Variants in MCF2 observed in about 807,000 individuals in gnomAD.
MCF2 encodes the protein MCF.2 cell line derived transforming sequence, also known as proto-oncogene DBL.
MCF2 carries 44 observed loss-of-function variants against 82.5 expected under a neutral mutation model. The observed-to-expected ratio is 0.53, with a 90% CI of 0.42 to 0.69. The LOEUF (loss-of-function observed/expected upper bound fraction) is 0.69. Ranked by LOEUF, MCF2 falls within the 30% of genes least tolerant of loss-of-function variation. The pLI, the probability that MCF2 is intolerant of heterozygous loss-of-function variation, is 0.00. For missense variants in MCF2, 623 were observed against 663.1 expected, an observed-to-expected ratio of 0.94 and a Z score of 0.66; for synonymous variants, 217 against 224.9, an observed-to-expected ratio of 0.96 and a Z score of 0.32.
chrX:139,614,507 A>ATGTGTGTG lies in MCF2; in HGVS notation c.1363+366_1363+373dup, dbSNP rs10578610. ...TTGCTTATCTAGAGTAGCAGTAAAT[A>ATGTGTGTG]TGTGTGTGTGTGTGTGTGTGTGTGT... is the stretch of plus-strand genomic sequence containing the variant. On this transcript the variant is annotated intron_variant, in intron 10 of 24. Coordinates refer to ENST00000370576, the Ensembl canonical transcript of MCF2. Among the ~76,000 whole-genome samples, 108 of 103,036 alleles carry ATGTGTGTG rather than the reference A, an allele frequency of 1.0e-3. 3 individuals carry two copies. The highest frequency in any genetic ancestry group is 1.1e-4 in the Admixed American group (1 of 9,468). 89.5% of individuals were successfully genotyped at this position (103,036 alleles called of 115,157 possible).
rs1285138161 is a variant in MCF2, at chrX:139,704,754, G to A, written c.-45+3352C>T. On this transcript the variant is annotated intron_variant, in intron 1 of 27. Coordinates refer to the MCF2 transcript ENST00000414978. ...AAATCAGGAATGACACAAATAAATGGAAAAACATTCCATGTTCATGGATTG... is the reference window on the plus strand; with the variant it reads ...AAATCAGGAATGACACAAATAAATGAAAAAACATTCCATGTTCATGGATTG... Among the ~76,000 whole-genome samples the A allele has an allele frequency of 2.7e-5, 3 of 110,656 alleles. No homozygotes were observed. In the Admixed American group the frequency reaches 2.9e-4, roughly 11 times the overall value.
intron 23 of MCF2, among the ~76,000 whole-genome samples, 176 bp downstream of exon 27, chrX:139,586,202 A>T (rs897261868): frequency 9.0e-6 from 1 of 111,399 alleles, no homozygotes; most frequent in African/African-American, 3.3e-5. Flanking sequence ...GACAACCAAT[A>T]CTCTCTAGTG....
At chrX:139,649,032 A>G (rs1244137802) in intron 2 of MCF2, among the ~76,000 whole-genome samples, 1 of 112,353 alleles carries the variant, frequency 8.9e-6, no homozygotes. Flanking sequence ...TACCTGAACA[A>G]CAGTCTCAAC....
intron 1 of MCF2, among the ~76,000 whole-genome samples, chrX:139,653,224 G>A (rs1934091361): frequency 8.9e-6 from 1 of 112,022 alleles, no homozygotes; most frequent in South Asian, 3.7e-4. Flanking sequence ...AGCCATGGAA[G>A]AAGGGTGAGA....
chrX:139,583,209 GTAAGTATT>G (rs1928626925), intron 24 of MCF2, among the ~76,000 whole-genome samples: 1 of 111,977 alleles, frequency 8.9e-6, no homozygotes, highest in Non-Finnish European at 1.9e-5. Context: ...TATTTCTTTT[GTAAGTATT>G]TAAGTATTTA....
At chrX:139,659,487 ACTT>A (rs1934297682) in intron 1 of MCF2, among the ~76,000 whole-genome samples, 1 of 111,080 alleles carries the variant, frequency 9.0e-6, no homozygotes, top group African/African-American at 3.3e-5. Context: ...ACATTTTTTT[ACTT>A]CAGATCCCAG....
In MCF2 at chrX:139,653,136, C is replaced by A. The variant is rs546251313; in HGVS notation, c.-44-1348G>T. ...TACACTCGCAGTTATTCTTTCCATG[C>A]TAGATGTTTAATCAGATAAAAGAAT... On this transcript the variant is annotated intron_variant, in intron 1 of 27. Coordinates refer to the MCF2 transcript ENST00000414978. 9.6e-4 allele frequency among the ~76,000 whole-genome samples: 107 copies of A among 111,758 alleles called. 1 individual carries two copies. In the South Asian group the frequency reaches 0.039, roughly 40 times the overall value.
At chrX:139,645,400 G>C (rs1933766821), upstream of MCF2, among the ~76,000 whole-genome samples, 2 of 111,149 alleles carry the variant, frequency 1.8e-5, no homozygotes, top group African/African-American at 6.6e-5. Context: ...ATTTTGGGTA[G>C]AGTTATTTAT....
At chrX:139,656,054 GT>G (rs1934186691) in intron 1 of MCF2, among the ~76,000 whole-genome samples, 2 of 111,373 alleles carry the variant, frequency 1.8e-5, no homozygotes, top group Admixed American at 1.9e-4. Context: ...TTTTTTGTTT[GT>G]TTGTTTTGTT....
intron 6 of MCF2, among the ~76,000 whole-genome samples, chrX:139,621,425 G>T (rs959189722): frequency 1.8e-5 from 2 of 111,757 alleles, no homozygotes; most frequent in Non-Finnish European, 3.8e-5. Flanking sequence ...TACAGAATGG[G>T]AGAAAATATT....
At chrX:139,670,865 C>A (rs1934665701) in intron 1 of MCF2, among the ~76,000 whole-genome samples, 1 of 111,926 alleles carries the variant, frequency 8.9e-6, no homozygotes, top group African/African-American at 3.3e-5. Context: ...ATTTCTAGTT[C>A]TAGATGCTTG....
At chrX:139,700,886 C>A (rs1935479864) in intron 1 of MCF2, among the ~76,000 whole-genome samples, 1 of 111,565 alleles carries the variant, frequency 9.0e-6, no homozygotes, top group Non-Finnish European at 1.9e-5. Context: ...GGAATATGGA[C>A]CAAAGGGAAG....
Position 139,601,740 on chromosome X carries a change from CA to C in MCF2, c.1836+665del, listed in dbSNP as rs751739691. 2.7e-5 allele frequency among the ~76,000 whole-genome samples: 3 copies of C among 111,256 alleles called. No individual in the cohort carries two copies. The East Asian group carries it at 8.6e-4, about 32-fold the overall frequency. ...CCAAGATCCCCAGATGACAGCTGCGCAACAAGCCTAGTGAGTCTAGACAAGC... is the reference window on the plus strand; with the variant it reads ...CCAAGATCCCCAGATGACAGCTGCGCACAAGCCTAGTGAGTCTAGACAAGC... On this transcript the variant is annotated intron_variant, in intron 16 of 24. Coordinates refer to ENST00000370576, the Ensembl canonical transcript of MCF2.
At chrX:139,641,377 C>T (rs1349193266) in intron 1 of MCF2, among the ~76,000 whole-genome samples, 1 of 109,629 alleles carries the variant, frequency 9.1e-6, no homozygotes, top group Admixed American at 9.8e-5. Context: ...TGTATAGAGC[C>T]AAAGATATAA....
At chrX:139,615,052 C>T (rs1389737757) in exon 10 of MCF2, 1 of 1,192,359 alleles carries the variant, frequency 8.4e-7, no homozygotes, top group Non-Finnish European at 1.1e-6. Flanking sequence ...TTCATTTGAA[C>T]CTGCGAGTTG....
In MCF2 at chrX:139,651,273, T is replaced by C. The variant is rs192426016; in HGVS notation, c.25+447A>G. Among the ~76,000 whole-genome samples, 80 of 111,488 alleles carry C rather than the reference T, an allele frequency of 7.2e-4. 1 individual carries two copies. Among genetic ancestry groups the C allele is most frequent in the Non-Finnish European group, 1.3e-3 (71 of 53,064 alleles). On this transcript the variant is annotated intron_variant, in intron 2 of 27. Transcript: ENST00000414978. ...TGAGAAAAATCAACTTTCTTTATAA[T>C]GTGTAAATGAAATCCTAAAAAAAAA...
intron 1 of MCF2, among the ~76,000 whole-genome samples, chrX:139,666,984 G>C (rs1413048648): frequency 9.0e-6 from 1 of 110,926 alleles, no homozygotes; most frequent in Non-Finnish European, 1.9e-5. Flanking sequence ...TCTTCTGCCT[G>C]ATCTAGTGTA....
At chrX:139,582,500 G>T in exon 25 of MCF2, 1 of 1,203,137 alleles carries the variant, frequency 8.3e-7, no homozygotes, top group Non-Finnish European at 1.1e-6. Flanking sequence ...TCCGACACAG[G>T]TCTCTACAAG....
rs188083248 is a variant in MCF2 at position 139,599,405 on chromosome X, C to T, written c.1837-907G>A. On this transcript the variant is annotated intron_variant, in intron 16 of 24. Coordinates refer to ENST00000370576, the Ensembl canonical transcript of MCF2. ...ATGAAGAAGATAAGCAAGGGGAAAA[C>T]TTCCGCAAAATTTGGAAACTGGAAA... Among the ~76,000 whole-genome samples, 9 of 109,930 alleles carry T rather than the reference C, an allele frequency of 8.2e-5. No individual in the cohort carries two copies. The East Asian group carries it at 2.3e-3, about 28-fold the overall frequency.
Sources: allele counts gnomAD v4.1 joint callset (sites outside exome capture counted in the v4.1 genomes callset), GRCh38; gene constraint gnomAD v4.1.1; transcripts MANE v1.5; gene names NCBI Gene and HGNC (gene_info 2026-07-23, HGNC 2026-07-21).